Variants in NSUN2 observed in about 807,000 individuals in gnomAD.
NSUN2 encodes the protein RNA cytosine C(5)-methyltransferase NSUN2.
In NSUN2, 63 loss-of-function variants were observed where a neutral mutation model predicts 92.7. The ratio of observed to expected loss-of-function variants is 0.68; its 90% confidence interval spans 0.56 to 0.84. The LOEUF is 0.84. Ranked by LOEUF, NSUN2 falls within the 40% of genes least tolerant of loss-of-function variation. The probability of loss-of-function intolerance (pLI) is 0.00; values close to 1 mark genes in which losing one functional copy is unlikely to be tolerated. For synonymous variants in NSUN2, 356 were observed against 348.3 expected (o/e 1.02, Z -0.25); for missense variants, 989 against 964.9 (o/e 1.02, Z -0.33).
At chr5:6,606,954 G>A (rs1254486557) in intron 13 of NSUN2, 42 bp from the exon 14 acceptor site, 1 of 1,209,856 alleles carries the variant, frequency 8.3e-7, no homozygotes, top group Non-Finnish European at 1.2e-6. Context: ...TCTGTAATGT[G>A]TGGTAACCTT....
chr5:6,601,570 C>G (rs113287909), intron 18 of NSUN2, among the ~76,000 whole-genome samples: 316 of 151,360 alleles, frequency 2.1e-3, no homozygotes, highest in African/African-American at 7.4e-3. Context: ...GGACATGTGG[C>G]CCCTCGGCCT....
In NSUN2 at chr5:6,618,886, T is replaced by C. The variant is rs1737322517; in HGVS notation, c.816-862A>G. 5.9e-5 allele frequency among the ~76,000 whole-genome samples: 9 copies of C among 152,324 alleles called. No individual in the cohort carries two copies. The South Asian group carries it at 1.9e-3, about 32-fold the overall frequency. On this transcript the variant is annotated intron_variant, in intron 7 of 18. Coordinates refer to ENST00000264670, the MANE Select transcript of NSUN2 (RefSeq NM_017755.6). ...TGTAAATGCTGATTTTCCTTGATGG[T>C]CTAGCCGCGTGTACACGAGGGACTA...
Position 6,602,701 on chromosome 5 carries a change from C to T in NSUN2, c.1958-201G>A, listed in dbSNP as rs552502136. Among the ~76,000 whole-genome samples the T allele has an allele frequency of 7.9e-5, 12 of 152,260 alleles. No homozygotes were observed. In the South Asian group the frequency reaches 1.2e-3, roughly 16 times the overall value. ...CCAAGTCCAAATGACGCAGTAGGGA[C>T]GATCTGGAAGAGGACCCAGGCAAAA... On this transcript the variant is annotated intron_variant, in intron 17 of 18. Coordinates refer to ENST00000264670, the MANE Select transcript of NSUN2 (RefSeq NM_017755.6).
At position 6,606,180 on chromosome 5, in the gene NSUN2, T is replaced by C. The variant is rs542610289; in HGVS notation, c.1601+640A>G. ...CTCACCCATGCTGCTCTTCATTTCT[T>C]CTACAGAAACTGAACTAGACAACCT... On this transcript the variant is annotated intron_variant, in intron 14 of 18. Coordinates refer to ENST00000264670, the MANE Select transcript of NSUN2 (RefSeq NM_017755.6). Among the ~76,000 whole-genome samples, 3 of 152,382 alleles carry C rather than the reference T, an allele frequency of 2.0e-5. No homozygotes were observed. The East Asian group carries it at 5.8e-4, about 29-fold the overall frequency.
intron 3 of NSUN2, among the ~76,000 whole-genome samples, chr5:6,628,319 A>AC (rs562796520): frequency 2.7e-4 from 41 of 152,236 alleles, no homozygotes; most frequent in Middle Eastern, 3.4e-3. Context: ...CTGCACTCCA[A>AC]CCTGGGCAAC....
Position 6,600,013 on chromosome 5 carries a change from T to C in NSUN2, c.2217A>G (p.Gly739=). ...CTTCTGCATCTGGGCTGTTGGGCTCTCCTGCTCTCTGTCCCTCAGTCACGT... is the reference window on the plus strand; with the variant it reads ...CTTCTGCATCTGGGCTGTTGGGCTCCCCTGCTCTCTGTCCCTCAGTCACGT... ...DNDVTEGQRA[G]EPNSPDAEEA... is the part of the protein sequence containing the mutation. The change falls in exon 19 of 19, where the codon GGA becomes GGG. Residue 739 remains glycine, a synonymous_variant. Coordinates refer to ENST00000264670, the MANE Select transcript of NSUN2 (RefSeq NM_017755.6). 1.9e-6 allele frequency: 3 copies of C among 1,614,228 alleles called. No individual in the cohort carries two copies. Among genetic ancestry groups the C allele is most frequent in the Non-Finnish European group, 2.5e-6 (3 of 1,180,028 alleles).
At position 6,611,448 on chromosome 5, in the gene NSUN2, T is replaced by TAAAAAAAAAAAAAA. The variant is rs760872450; in HGVS notation, c.1095+263_1095+276dup. ...ACAAGGCTTGAATCCCGGCCCAATT[T>TAAAAAAAAAAAAAA]AAAAAAAAAAAAAAAAAGCAAAGCT... On this transcript the variant is annotated intron_variant, in intron 10 of 18. Coordinates refer to ENST00000264670, the MANE Select transcript of NSUN2 (RefSeq NM_017755.6). Among the ~76,000 whole-genome samples the TAAAAAAAAAAAAAA allele has an allele frequency of 1.5e-3, 133 of 86,046 alleles. 13 individuals carry two copies. Among genetic ancestry groups the TAAAAAAAAAAAAAA allele is most frequent in the African/African-American group, 2.1e-3 (47 of 22,448 alleles). 56.4% of individuals were successfully genotyped at this position (86,046 alleles called of 152,430 possible). A position where few individuals can be genotyped will look rare whatever the true frequency, so the allele number is the denominator to read the frequency against.
chr5:6,606,893 T>C lies in NSUN2; in HGVS notation c.1528A>G (p.Met510Val). ...GVCGPPPSKKMKLFGFKEDPF... is the reference protein window; with the variant it reads ...GVCGPPPSKKVKLFGFKEDPF... The stretch of plus-strand genomic sequence containing the variant: ...TCTTCTTTAAATCCAAATAACTTCA[T>C]TTTCTTTGATGGAGGAGGACTAAAA... Residue 510 changes from methionine to valine, a missense_variant, in exon 14 of 19, where the codon ATG becomes GTG. Transcript: ENST00000264670. 12 of 1,588,854 alleles carry C rather than the reference T, an allele frequency of 7.6e-6. No homozygotes were observed. The highest frequency in any genetic ancestry group is 1.0e-5 in the Non-Finnish European group (12 of 1,157,932).
chr5:6,632,425 C>T (rs1737957004), intron 2 of NSUN2, among the ~76,000 whole-genome samples, 174 bp downstream of exon 2: 1 of 152,196 alleles, frequency 6.6e-6, no homozygotes, highest in African/African-American at 2.4e-5. Flanking sequence ...GCCTGCAATA[C>T]CTCCGTGACC....
chr5:6,611,438 C>A lies in NSUN2; in HGVS notation c.1095+287G>T, dbSNP rs530172934. ...CATATTGGAAACAAGGCTTGAATCCCGGCCCAATTTAAAAAAAAAAAAAAA... is the reference window on the plus strand; with the variant it reads ...CATATTGGAAACAAGGCTTGAATCCAGGCCCAATTTAAAAAAAAAAAAAAA... On this transcript the variant is annotated intron_variant, in intron 10 of 18. Coordinates refer to ENST00000264670, the MANE Select transcript of NSUN2 (RefSeq NM_017755.6). Among the ~76,000 whole-genome samples the A allele has an allele frequency of 8.7e-5, 4 of 46,156 alleles. 1 individual carries two copies. Among genetic ancestry groups the A allele is most frequent in the African/African-American group, 2.7e-4 (3 of 10,956 alleles). The allele number at this position is 46,156 out of a possible 152,430, so 30.3% of individuals were successfully genotyped here.
At chr5:6,618,879 T>C (rs532659624) in intron 7 of NSUN2, among the ~76,000 whole-genome samples, 1 of 152,226 alleles carries the variant, frequency 6.6e-6, no homozygotes, top group South Asian at 2.1e-4. Flanking sequence ...CTGATTTTCC[T>C]TGATGGTCTA....
intron 9 of NSUN2, among the ~76,000 whole-genome samples, chr5:6,615,072 G>C (rs889362791): frequency 6.6e-6 from 1 of 151,758 alleles, no homozygotes; most frequent in African/African-American, 2.4e-5. Context: ...GCACAAGATG[G>C]GGCTGTGACC....
rs1736464289 is a variant in NSUN2 at position 6,599,752 on chromosome 5, A to C, written c.*174T>G. 1.5e-6 allele frequency: 1 copy of C among 645,918 alleles called. No homozygotes were observed. Among genetic ancestry groups the C allele is most frequent in the Admixed American group, 2.5e-5 (1 of 39,680 alleles). 40.0% of individuals were successfully genotyped at this position (645,918 alleles called of 1,614,324 possible). ...AAAAGAGTACATTTTCATCAGCTCCAAAGAAAGCAGTCCTGGTCATTCAGA... is the reference window on the plus strand; with the variant it reads ...AAAAGAGTACATTTTCATCAGCTCCCAAGAAAGCAGTCCTGGTCATTCAGA... On this transcript the variant is annotated 3_prime_UTR_variant, in exon 19 of 19. Coordinates refer to ENST00000264670, the MANE Select transcript of NSUN2 (RefSeq NM_017755.6).
intron 18 of NSUN2, among the ~76,000 whole-genome samples, chr5:6,600,560 G>C (rs897700606): frequency 6.6e-6 from 1 of 152,086 alleles, no homozygotes; most frequent in African/African-American, 2.4e-5. Context: ...CCGCCACCCC[G>C]TGTCACCTCA....
intron 3 of NSUN2, among the ~76,000 whole-genome samples, chr5:6,627,239 C>T (rs1218567661): frequency 2.0e-5 from 3 of 152,162 alleles, no homozygotes; most frequent in East Asian, 1.9e-4. Context: ...TCATTAGAGG[C>T]GAAATAGTAG....
intron 3 of NSUN2, among the ~76,000 whole-genome samples, chr5:6,627,065 G>C (rs549423334): frequency 5.9e-5 from 9 of 152,294 alleles, no homozygotes; most frequent in African/African-American, 2.2e-4. Flanking sequence ...GAAACTGGCT[G>C]AATCTGTCCA....
chr5:6,623,406 GAGAA>G, intron 4 of NSUN2, 121 bp from the exon 5 acceptor site: 1 of 763,920 alleles, frequency 1.3e-6, no homozygotes, highest in Non-Finnish European at 2.1e-6. Context: ...TACAGAATGA[GAGAA>G]CTCATACTAT....
At chr5:6,625,742 A>G in intron 3 of NSUN2, 73 bp from the exon 4 acceptor site, 1 of 1,010,642 alleles carries the variant, frequency 9.9e-7, no homozygotes, top group East Asian at 2.5e-5. Context: ...TTGTGCTTCT[A>G]TCAGTCGCAT....
intron 9 of NSUN2, among the ~76,000 whole-genome samples, chr5:6,612,965 C>G (rs995382562): frequency 2.6e-5 from 4 of 152,248 alleles, no homozygotes; most frequent in Non-Finnish European, 4.4e-5. Flanking sequence ...ACCACCCACT[C>G]TAAGGCTCAG....
Sources: gnomAD v4.1 joint callset for allele counts (sites outside exome capture counted in the v4.1 genomes callset) on GRCh38, gnomAD v4.1.1 for gene constraint, MANE v1.5 for transcripts, NCBI Gene and HGNC (gene_info 2026-07-23, HGNC 2026-07-21) for gene names.